SERHL2: variants seen among roughly 807,000 people sequenced by gnomAD.
SERHL2 encodes the protein serine hydrolase-like protein 2.
Under a neutral mutation model 25.5 loss-of-function variants are expected in SERHL2, and 29 were observed. The observed-to-expected ratio is 1.14, with a 90% CI of 0.85 to 1.55. The LOEUF (loss-of-function observed/expected upper bound fraction) is 1.55, where lower values mean the gene tolerates loss of function less well. SERHL2 is among the 40% of genes most tolerant of loss of function. The pLI is 0.00. For missense variants in SERHL2, 240 were observed against 252.3 expected, an observed-to-expected ratio of 0.95 and a Z score of 0.33; for synonymous variants, 95 against 103.5, an observed-to-expected ratio of 0.92 and a Z score of 0.50.
At chr22:42,564,220 C>T (rs1357995832) in intron 8 of SERHL2, among the ~76,000 whole-genome samples, 1 of 151,608 alleles carries the variant, frequency 6.6e-6, no homozygotes, top group Non-Finnish European at 1.5e-5. Flanking sequence ...ATCTAGTATA[C>T]AAAGTGAGGT....
At chr22:42,572,628 C>A in intron 11 of SERHL2, 99 bp downstream of exon 11, 1 of 1,495,064 alleles carries the variant, frequency 6.7e-7, no homozygotes, top group Non-Finnish European at 9.0e-7. Context: ...CCTGGGTCTG[C>A]CCCCAGGCCC....
chr22:42,564,508 C>T (rs1443415401), intron 8 of SERHL2, among the ~76,000 whole-genome samples: 8 of 151,104 alleles, frequency 5.3e-5, no homozygotes, highest in African/African-American at 1.2e-4. Flanking sequence ...CTCGGCTCAC[C>T]GCAACCTCCA....
chr22:42,572,539 G>T lies in SERHL2; in HGVS notation c.825+10G>T, dbSNP rs372517988. On this transcript the variant is annotated intron_variant, in intron 11 of 11. Transcript: ENST00000327678. Reference sequence around the variant, plus strand: ...ATCCACCCTCAAAGAGGTAAGACGGGGCTCAGGCAGCTGGTGTCCAGCCAC... The same window carrying T: ...ATCCACCCTCAAAGAGGTAAGACGGTGCTCAGGCAGCTGGTGTCCAGCCAC... The T allele has an allele frequency of 1.1e-5, 18 of 1,610,738 alleles. No homozygotes were observed. The African/African-American group carries it at 2.3e-4, about 20-fold the overall frequency.
intron 8 of SERHL2, among the ~76,000 whole-genome samples, chr22:42,564,808 T>C (rs911775474): frequency 2.6e-5 from 4 of 151,892 alleles, no homozygotes; most frequent in African/African-American, 9.7e-5. Context: ...TTTTTTCTTT[T>C]CCTTTTTGAG....
At chr22:42,572,774 C>G (rs545617367) in intron 11 of SERHL2, 19 of 954,382 alleles carry the variant, frequency 2.0e-5, no homozygotes, top group South Asian at 4.8e-5. Context: ...AAGCTACTCT[C>G]GTGCCTCAGC....
chr22:42,573,642 C>A (rs1266869644), intron 11 of SERHL2: 3 of 396,694 alleles, frequency 7.6e-6, no homozygotes, highest in Non-Finnish European at 1.4e-5. Context: ...GGTACCTCTT[C>A]TGATACAATC....
chr22:42,573,343 A>G (rs1423507749), intron 11 of SERHL2: 1 of 148,868 alleles, frequency 6.7e-6, no homozygotes, highest in Non-Finnish European at 1.5e-5. Flanking sequence ...TCCCGGGTTC[A>G]TGCCATTCTC....
chr22:42,566,759 A>G (rs1163844948), intron 9 of SERHL2, among the ~76,000 whole-genome samples: 1 of 152,120 alleles, frequency 6.6e-6, no homozygotes, highest in Non-Finnish European at 1.5e-5. Context: ...GATTCCTGAT[A>G]GAGGCTGTGA....
intron 11 of SERHL2, 47 bp downstream of exon 11, chr22:42,572,576 C>G (rs1924382788): frequency 6.3e-7 from 1 of 1,599,718 alleles, no homozygotes; most frequent in African/African-American, 1.3e-5. Context: ...GTCGCCCACT[C>G]TGGTCCCACC....
intron 8 of SERHL2, among the ~76,000 whole-genome samples, chr22:42,560,738 C>T (rs1025126259): frequency 6.6e-6 from 1 of 151,740 alleles, no homozygotes; most frequent in Non-Finnish European, 1.5e-5. Context: ...TTTTTTCTTT[C>T]GTTCTTTTTT....
At chr22:42,566,374 T>C in intron 9 of SERHL2, 36 bp downstream of exon 9, 1 of 1,606,934 alleles carries the variant, frequency 6.2e-7, no homozygotes, top group Non-Finnish European at 8.5e-7. Context: ...CCGCCAAGGT[T>C]TGCCTGTTAG....
chr22:42,560,274 C>T lies in SERHL2; in HGVS notation c.613+9C>T, dbSNP rs754325484. 1.3e-6 allele frequency: 2 copies of T among 1,593,940 alleles called. No homozygotes were observed. The highest frequency in any genetic ancestry group is 1.3e-5 in the African/African-American group (1 of 74,712). The stretch of plus-strand genomic sequence containing the variant: ...CACGAAGGTGGCCACAGGTAAGGGA[C>T]TCTACTGTCCAAGGCCATTTTATAT... On this transcript the variant is annotated intron_variant, in intron 8 of 11. Transcript: ENST00000327678.
chr22:42,568,027 G>A lies in SERHL2; in HGVS notation c.648+1689G>A, dbSNP rs911976521. ...TTACAGGCATGAGCCACAGTGTTCG[G>A]TCTATTTGAATTGTAGAGACAGGGT... On this transcript the variant is annotated intron_variant, in intron 9 of 11. Transcript: ENST00000327678. Among the ~76,000 whole-genome samples, 6 of 151,778 alleles carry A rather than the reference G, an allele frequency of 4.0e-5. 1 individual carries two copies. The highest frequency in any genetic ancestry group is 7.4e-5 in the Non-Finnish European group (5 of 67,924).
At chr22:42,571,479 C>G (rs1924181054) in intron 10 of SERHL2, 4 of 1,284,224 alleles carry the variant, frequency 3.1e-6, no homozygotes, top group Non-Finnish European at 4.0e-6. Context: ...GCTCCATAAC[C>G]AGTGAGCCCA....
At chr22:42,566,063 C>T (rs547687463) in intron 8 of SERHL2, among the ~76,000 whole-genome samples, 1 of 152,188 alleles carries the variant, frequency 6.6e-6, no homozygotes, top group African/African-American at 2.4e-5. Flanking sequence ...CTGCACCGGC[C>T]CTTTGGGGTG....
intron 9 of SERHL2, chr22:42,569,522 A>T (rs1923868306): frequency 6.6e-6 from 1 of 151,746 alleles, no homozygotes; most frequent in African/African-American, 2.4e-5. Context: ...AGCTTCCCAA[A>T]ATGGTGGGAT....
chr22:42,559,095 A>G (rs1016681470), intron 7 of SERHL2, among the ~76,000 whole-genome samples: 4 of 92,304 alleles, frequency 4.3e-5, no homozygotes, highest in South Asian at 8.6e-4. Context: ...TAAACATGCA[A>G]TCGAAACACG....
chr22:42,565,773 C>T lies in SERHL2; in HGVS notation c.614-531C>T, dbSNP rs192311163. On this transcript the variant is annotated intron_variant, in intron 8 of 11. Transcript: ENST00000327678. ...TATTCTTACCTGTGTAATTTTTCCA[C>T]GTGAACTTGAGAATCAGGTGGTTTA... is the stretch of plus-strand genomic sequence containing the variant. 1.2e-4 allele frequency among the ~76,000 whole-genome samples: 18 copies of T among 152,002 alleles called. 1 individual carries two copies. The highest frequency in any genetic ancestry group is 2.0e-4 in the Admixed American group (3 of 15,278).
intron 9 of SERHL2, among the ~76,000 whole-genome samples, chr22:42,570,861 G>C (rs1009875721): frequency 6.6e-6 from 1 of 151,990 alleles, no homozygotes; most frequent in African/African-American, 2.4e-5. Flanking sequence ...GGTGGCAAAG[G>C]AGTATGGGAA....
Sources: gnomAD v4.1 joint callset for allele counts (sites outside exome capture counted in the v4.1 genomes callset) on GRCh38, gnomAD v4.1.1 for gene constraint, MANE v1.5 for transcripts, NCBI Gene and HGNC (gene_info 2026-07-23, HGNC 2026-07-21) for gene names.